Variants in PYGL observed in about 807,000 individuals in gnomAD.
PYGL encodes the protein glycogen phosphorylase L.
Under a neutral mutation model 100.1 loss-of-function variants are expected in PYGL, and 90 were observed. That is an observed-to-expected ratio of 0.90 (90% CI 0.76 to 1.07). PYGL has a LOEUF of 1.07. Ranked by LOEUF, PYGL falls within the 50% of genes least tolerant of loss-of-function variation. The probability of loss-of-function intolerance (pLI) is 0.00; values close to 1 mark genes in which losing one functional copy is unlikely to be tolerated. For synonymous variants in PYGL, 373 were observed against 393.0 expected (o/e 0.95, Z 0.60); for missense variants, 1,016 against 1,057.6 (o/e 0.96, Z 0.55).
chr14:50,931,878 G>A, intron 3 of PYGL, 102 bp from the exon 4 acceptor site: 1 of 885,526 alleles, frequency 1.1e-6, no homozygotes, highest in Non-Finnish European at 1.9e-6. Flanking sequence ...ATTGTTATAT[G>A]AAGAACCACA....
intron 7 of PYGL, among the ~76,000 whole-genome samples, chr14:50,918,142 C>G (rs945614295): frequency 4.6e-5 from 7 of 152,158 alleles, no homozygotes; most frequent in African/African-American, 1.7e-4. Context: ...TACCACCTTA[C>G]TCCTGCAAGA....
intron 1 of PYGL, among the ~76,000 whole-genome samples, chr14:50,938,734 G>A (rs1378085396): frequency 1.3e-5 from 2 of 152,030 alleles, no homozygotes; most frequent in African/African-American, 4.8e-5. Context: ...CCCCCGGGGA[G>A]AAAAAAAGCA....
intron 2 of PYGL, 67 bp downstream of exon 2, chr14:50,937,669 C>T: frequency 6.9e-7 from 1 of 1,456,034 alleles, no homozygotes; most frequent in Non-Finnish European, 9.6e-7. Context: ...GTGCAATGTC[C>T]CCAAGTTTCC....
At position 50,920,992 on chromosome 14, in the gene PYGL, A is replaced by G. The variant is rs1323473649; in HGVS notation, c.736T>C (p.Ser246Pro). 6.2e-7 allele frequency: 1 copy of G among 1,614,098 alleles called. No homozygotes were observed. The highest frequency in any genetic ancestry group is 2.2e-5 in the East Asian group (1 of 44,904). ...NNTVNTMRLW[S>P]ARAPNDFNLR... ...TTAAAGTCATTTGGTGCCCGAGCAG[A>G]CCAGAGGCGCATGGTGTTGACAGTG... is the stretch of plus-strand genomic sequence containing the variant. The change falls in exon 6 of 20, where the codon TCT (serine) becomes CCT (proline). Residue 246 changes from serine (S) to proline (P), a missense_variant. Transcript: ENST00000216392.
rs1237489126 is a variant in PYGL, at chr14:50,937,832, T to A, written c.249A>T (p.Val83=). 7 of 1,608,158 alleles carry A rather than the reference T, an allele frequency of 4.4e-6. No homozygotes were observed. The highest frequency in any genetic ancestry group is 6.0e-6 in the Non-Finnish European group (7 of 1,174,598). The stretch of plus-strand genomic sequence containing the variant: ...TGTAAAATTCCAGAGAGAGGTAATA[T>A]ACCCTCTGAAATAAAGAAAAGAGAG... The part of the protein sequence containing the change: ...QHYYDKCPKR[V]YYLSLEFYMG... Residue 83 remains valine (V), a synonymous_variant, in exon 2 of 20, where the codon GTA becomes GTT. Transcript: ENST00000216392.
In PYGL at chr14:50,916,698, C is replaced by T. The variant is rs775243628; in HGVS notation, c.1036G>A (p.Ala346Thr). ...IQLNDTHPAL[A>T]IPELMRIFVD... The stretch of plus-strand genomic sequence containing the variant: ...AAAATCCTCATCAGCTCAGGGATCG[C>T]GAGTGCAGGGTGAGTGTCATTCAGC... Residue 346 changes from alanine (A) to threonine (T), a missense_variant, in exon 9 of 20, where the codon GCG becomes ACG. Transcript: ENST00000216392. 13 of 1,614,042 alleles carry T rather than the reference C, an allele frequency of 8.1e-6. No homozygotes were observed. The highest frequency in any genetic ancestry group is 6.6e-5 in the South Asian group (6 of 91,090).
chr14:50,915,248 C>A, intron 11 of PYGL, 88 bp downstream of exon 11: 1 of 1,494,972 alleles, frequency 6.7e-7, no homozygotes, highest in South Asian at 1.1e-5. Context: ...AAGGCCTTTC[C>A]TCATCCCTAA....
intron 8 of PYGL, 51 bp downstream of exon 8, chr14:50,916,911 C>G (rs1566503937): frequency 6.3e-7 from 1 of 1,596,906 alleles, no homozygotes; most frequent in African/African-American, 1.3e-5. Flanking sequence ...ATAGGAAATC[C>G]CAGTCAATCC....
intron 4 of PYGL, among the ~76,000 whole-genome samples, chr14:50,924,940 G>C (rs1178310521): frequency 3.3e-5 from 5 of 152,136 alleles, no homozygotes; most frequent in Non-Finnish European, 7.3e-5. Context: ...CACATTGGAG[G>C]GGGATGTATT....
At chr14:50,914,572 G>A in intron 12 of PYGL, 129 bp downstream of exon 12, 2 of 712,386 alleles carry the variant, frequency 2.8e-6, no homozygotes, top group Non-Finnish European at 5.0e-6. Context: ...ATGGAGTCCT[G>A]TGTGACTGCA....
At position 50,915,294 on chromosome 14, in the gene PYGL, T is replaced by A. The variant is rs775355194; in HGVS notation, c.1403+42A>T. ...GCATTTAGTAGCATCATTCCATTAA[T>A]GGATCAGTGTCAGACCCACTGCCAG... On this transcript the variant is annotated intron_variant, in intron 11 of 19. Coordinates refer to ENST00000216392, the MANE Select transcript of PYGL (RefSeq NM_002863.5). The A allele has an allele frequency of 1.9e-6, 3 of 1,603,600 alleles. No homozygotes were observed. The East Asian group carries it at 6.7e-5, about 36-fold the overall frequency.
chr14:50,912,111 T>G (rs751901241), intron 14 of PYGL, 45 bp downstream of exon 14: 1 of 1,614,048 alleles, frequency 6.2e-7, no homozygotes, highest in Admixed American at 1.7e-5. Context: ...CTGAGTCTGC[T>G]GCTTCCACCT....
At chr14:50,911,905 G>C in intron 15 of PYGL, 34 bp from the exon 16 acceptor site, 1 of 1,614,088 alleles carries the variant, frequency 6.2e-7, no homozygotes, top group Non-Finnish European at 8.5e-7. Flanking sequence ...ATTGACAGAA[G>C]GCAGCCATGA....
rs376771385 is a variant in PYGL at position 50,944,325 on chromosome 14, C to G, written c.79G>C (p.Glu27Gln). The change falls in exon 1 of 20, where the codon GAG (glutamate) becomes CAG (glutamine). Residue 27 changes from glutamate (E) to glutamine (Q), a missense_variant. Physicochemically the swap from Glu to Gln is conservative, Grantham distance 29. Transcript: ENST00000216392. ...RGIVGVENVA[E>Q]LKKSFNRHLH... ...TGCCGGTTGAAACTCTTCTTCAGCT[C>G]TGCCACGTTCTCCACGCCCACGATG... 1 of 1,613,880 alleles carries G rather than the reference C, an allele frequency of 6.2e-7. No homozygotes were observed. Among genetic ancestry groups the G allele is most frequent in the African/African-American group, 1.3e-5 (1 of 74,942 alleles).
chr14:50,909,519 A>G (rs10132049), intron 17 of PYGL, among the ~76,000 whole-genome samples: 32,092 of 152,166 alleles, frequency 0.21, 3,893 homozygotes, highest in East Asian at 0.45. Flanking sequence ...ATTTTAGTGC[A>G]TTTCTTTGAT....
intron 17 of PYGL, among the ~76,000 whole-genome samples, chr14:50,909,662 G>A (rs947782753): frequency 6.6e-5 from 10 of 152,150 alleles, no homozygotes; most frequent in African/African-American, 2.4e-4. Context: ...CTCTGCAATG[G>A]CCGATAACAA....
intron 7 of PYGL, among the ~76,000 whole-genome samples, chr14:50,918,185 G>A (rs1229140739): frequency 2.6e-5 from 4 of 151,604 alleles, no homozygotes; most frequent in African/African-American, 9.7e-5. Context: ...AAAACAATAG[G>A]TGTTGGCATG....
Position 50,924,058 on chromosome 14 carries a change from C to A in PYGL, c.571G>T (p.Glu191Ter), listed in dbSNP as rs1384156884. 2 of 1,613,664 alleles carry A rather than the reference C, an allele frequency of 1.2e-6. No homozygotes were observed. Among genetic ancestry groups the A allele is most frequent in the Admixed American group, 3.3e-5 (2 of 59,984 alleles). The change falls in exon 5 of 20, where the codon GAG becomes TAG. Residue 191 changes from glutamate to a stop codon, truncating the protein, a stop_gained. Transcript: ENST00000216392. LOFTEE classifies it high-confidence loss of function. ...DDWLRYGNPWEKSRPEFMLPV... is the reference protein window; with the variant it reads ...DDWLRYGNPW ...AGCATGAATTCTGGGCGGGACTTCT[C>A]CCAAGGGTTTCCATATCTGAGCCAA...
At chr14:50,910,735 AG>A (rs1210733901) in intron 16 of PYGL, among the ~76,000 whole-genome samples, 4 of 152,198 alleles carry the variant, frequency 2.6e-5, no homozygotes, top group African/African-American at 9.7e-5. Flanking sequence ...TGGCAACCTG[AG>A]GAGACTGGAT....
Sources: allele counts gnomAD v4.1 joint callset (sites outside exome capture counted in the v4.1 genomes callset), GRCh38; gene constraint gnomAD v4.1.1; transcripts MANE v1.5; gene names NCBI Gene and HGNC (gene_info 2026-07-23, HGNC 2026-07-21).